The following TTC6 variants were observed in gnomAD, a reference collection of about 807,000 sequenced individuals.
TTC6 encodes the protein tetratricopeptide repeat protein 6.
In TTC6, 172 loss-of-function variants were observed where a neutral mutation model predicts 210.4. That is an observed-to-expected ratio of 0.82 (90% CI 0.72 to 0.93). TTC6 has a LOEUF of 0.93. Ranked by LOEUF, TTC6 falls within the 40% of genes least tolerant of loss-of-function variation. TTC6 has a pLI of 0.00. For missense variants in TTC6, 2,414 were observed against 2,318.1 expected (o/e 1.04, Z -0.85); for synonymous variants, 804 against 819.6 (o/e 0.98, Z 0.32).
At chr14:37,683,359 C>T (rs2095788025) in intron 3 of TTC6, among the ~76,000 whole-genome samples, 2 of 152,064 alleles carry the variant, frequency 1.3e-5, no homozygotes, top group African/African-American at 4.8e-5. Flanking sequence ...ACCCCTGAGT[C>T]TTTTTCTACT....
At chr14:37,683,251 T>C (rs1010162029) in intron 3 of TTC6, among the ~76,000 whole-genome samples, 2 of 152,204 alleles carry the variant, frequency 1.3e-5, no homozygotes, top group Non-Finnish European at 2.9e-5. Context: ...AAGAATCTTC[T>C]AGTTACCATC....
chr14:37,769,302 T>C (rs1033206633), intron 14 of TTC6, among the ~76,000 whole-genome samples: 2 of 151,824 alleles, frequency 1.3e-5, no homozygotes, highest in African/African-American at 4.8e-5. Flanking sequence ...GGTATCAGAA[T>C]GATGCTGGCC....
intron 15 of TTC6, among the ~76,000 whole-genome samples, chr14:37,787,912 TG>T (rs2096071645): frequency 6.6e-6 from 1 of 151,606 alleles, no homozygotes; most frequent in Admixed American, 6.6e-5. Flanking sequence ...TGTGTGTGTG[TG>T]TGTGTGTGTG....
At chr14:37,708,774 G>T (rs1348165509) in intron 5 of TTC6, among the ~76,000 whole-genome samples, 2 of 152,084 alleles carry the variant, frequency 1.3e-5, no homozygotes, top group African/African-American at 4.8e-5. Flanking sequence ...TCAGGATGAG[G>T]ATTTTTATCT....
intron 20 of TTC6, among the ~76,000 whole-genome samples, chr14:37,797,972 T>C (rs1164749843): frequency 2.6e-5 from 4 of 152,112 alleles, no homozygotes; most frequent in Non-Finnish European, 5.9e-5. Flanking sequence ...GTGTGGATCA[T>C]GTGCTATTTT....
chr14:37,675,209 G>T (rs1474327684), intron 1 of TTC6, among the ~76,000 whole-genome samples: 1 of 152,020 alleles, frequency 6.6e-6, no homozygotes, highest in Non-Finnish European at 1.5e-5. Flanking sequence ...CACTATACAT[G>T]TTAAACAGTC....
chr14:37,621,238 CT>C (rs970082211), upstream of TTC6, among the ~76,000 whole-genome samples: 1 of 151,972 alleles, frequency 6.6e-6, no homozygotes, highest in African/African-American at 2.4e-5. Context: ...CTTCATTTTT[CT>C]TTTTTTTCAG....
At position 37,701,490 on chromosome 14, in the gene TTC6, T is replaced by G; in HGVS notation, c.1535T>G (p.Leu512Ter). 1 of 1,516,144 alleles carries G rather than the reference T, an allele frequency of 6.6e-7. No individual in the cohort carries two copies. The highest frequency in any genetic ancestry group is 8.8e-7 in the Non-Finnish European group (1 of 1,140,252). 93.9% of individuals were successfully genotyped at this position (1,516,144 alleles called of 1,614,324 possible). A position where few individuals can be genotyped will look rare whatever the true frequency, so the allele number is the denominator to read the frequency against. The stretch of plus-strand genomic sequence containing the variant: ...CTTGGAAAATTTGGAACCTCTTTCT[T>G]AGATGATCGCTTTACAGATGAAGAA... The change falls in exon 5 of 31, where the codon TTA becomes TGA. Residue 512 changes from leucine (L) to a stop codon, truncating the protein, a stop_gained. Transcript: ENST00000553443. LOFTEE classifies it high-confidence loss of function.
intron 1 of TTC6, among the ~76,000 whole-genome samples, chr14:37,656,519 G>A (rs2095723539): frequency 1.5e-5 from 1 of 65,530 alleles, no homozygotes; most frequent in Non-Finnish European, 3.8e-5. Flanking sequence ...GTGTGCGTGT[G>A]TGTGTGTGTG....
At chr14:37,758,421 T>A (rs992269981) in intron 14 of TTC6, among the ~76,000 whole-genome samples, 2 of 152,224 alleles carry the variant, frequency 1.3e-5, no homozygotes, top group African/African-American at 4.8e-5. Flanking sequence ...GTTGAAGTGA[T>A]CACTTTACCA....
intron 14 of TTC6, among the ~76,000 whole-genome samples, chr14:37,782,009 A>G (rs1398180268): frequency 1.3e-5 from 2 of 152,144 alleles, no homozygotes; most frequent in African/African-American, 4.8e-5. Flanking sequence ...TACCAGTACC[A>G]TGCTGTTTTG....
At position 37,659,189 on chromosome 14, in the gene TTC6, A is replaced by G. The variant is rs112746088; in HGVS notation, c.940-20962A>G. ...TCTTTATTCACTCTACCATTGATGG[A>G]CATTTAGGTTGATTCCATGTATTTG... On this transcript the variant is annotated intron_variant, in intron 1 of 30. Coordinates refer to ENST00000553443, the Ensembl canonical transcript of TTC6. 1.3e-5 allele frequency among the ~76,000 whole-genome samples: 2 copies of G among 152,174 alleles called. 1 individual carries two copies. The highest frequency in any genetic ancestry group is 4.8e-5 in the African/African-American group (2 of 41,514).
At chr14:37,819,799 C>G in intron 26 of TTC6, among the ~76,000 whole-genome samples, 1 of 152,298 alleles carries the variant, frequency 6.6e-6, no homozygotes, top group East Asian at 1.9e-4. Flanking sequence ...TAGGGCACAT[C>G]TGGTCACGTA....
intron 14 of TTC6, 51 bp from the exon 17 acceptor site, chr14:37,787,417 G>C: frequency 4.0e-6 from 5 of 1,253,254 alleles, no homozygotes; most frequent in Non-Finnish European, 5.2e-6. Context: ...TTACCAAAAA[G>C]AGAAAATGTA....
At chr14:37,775,986 A>G (rs2096036211) in intron 14 of TTC6, among the ~76,000 whole-genome samples, 1 of 149,020 alleles carries the variant, frequency 6.7e-6, no homozygotes, top group African/African-American at 2.5e-5. Flanking sequence ...TTTTCTCCAT[A>G]CCTTTACTTT....
At chr14:37,606,788 C>A in intron 2 of TTC6, 46 bp downstream of exon 2, 1 of 984,920 alleles carries the variant, frequency 1.0e-6, no homozygotes, top group Non-Finnish European at 1.2e-6. Flanking sequence ...TCCTGTAAGT[C>A]ATCAAAAGGC....
At chr14:37,780,299 A>G (rs1024951209) in intron 14 of TTC6, among the ~76,000 whole-genome samples, 5 of 152,188 alleles carry the variant, frequency 3.3e-5, no homozygotes, top group East Asian at 1.9e-4. Flanking sequence ...TTTTTGTTAC[A>G]TAGGTAAATG....
chr14:37,668,087 A>G (rs1412310713), intron 1 of TTC6, among the ~76,000 whole-genome samples: 1 of 149,888 alleles, frequency 6.7e-6, no homozygotes, highest in Admixed American at 6.7e-5. Context: ...GTGAGCTGAG[A>G]TCATGCCACT....
At chr14:37,759,495 TC>T (rs1459546532) in intron 14 of TTC6, among the ~76,000 whole-genome samples, 1 of 152,114 alleles carries the variant, frequency 6.6e-6, no homozygotes, top group Non-Finnish European at 1.5e-5. Flanking sequence ...ATTGCACTTC[TC>T]GATGAGTATT....
Sources: allele counts gnomAD v4.1 joint callset (sites outside exome capture counted in the v4.1 genomes callset), GRCh38; gene constraint gnomAD v4.1.1; transcripts MANE v1.5; gene names NCBI Gene and HGNC (gene_info 2026-07-23, HGNC 2026-07-21).